The following ERC1 variants were observed in gnomAD, a reference collection of about 807,000 sequenced individuals.
The protein encoded by ERC1 is RAB6 interacting protein 2.
Under a neutral mutation model 132.0 loss-of-function variants are expected in ERC1, and 56 were observed. That is an observed-to-expected ratio of 0.42 (90% confidence interval 0.34 to 0.53). The LOEUF (loss-of-function observed/expected upper bound fraction) is 0.53. Among genes scored for constraint, ERC1 ranks in the 20% least tolerant of loss-of-function variants. The pLI, the probability that ERC1 is intolerant of heterozygous loss-of-function variation, is 0.03. For missense variants in ERC1, 1,202 were observed against 1,349.9 expected (o/e 0.89, Z 1.72); for synonymous variants, 478 against 476.1 (o/e 1.00, Z -0.05).
intron 13 of ERC1, among the ~76,000 whole-genome samples, chr12:1,261,206 T>TG (rs547838504): frequency 2.6e-4 from 40 of 152,378 alleles, no homozygotes; most frequent in African/African-American, 9.4e-4. Context: ...TGGAATTAAC[T>TG]GTTTGAGCCT....
chr12:1,013,429 C>T (rs1413444435), intron 1 of ERC1, among the ~76,000 whole-genome samples: 1 of 151,968 alleles, frequency 6.6e-6, no homozygotes, highest in Admixed American at 6.6e-5. Context: ...AACTGAGTTA[C>T]CCTTCCATTA....
chr12:1,280,635 T>C (rs1647476682), intron 14 of ERC1, among the ~76,000 whole-genome samples: 1 of 152,186 alleles, frequency 6.6e-6, no homozygotes, highest in South Asian at 2.1e-4. Flanking sequence ...AGATAAGTAT[T>C]TGCAAGGGTT....
At chr12:1,252,917 G>A (rs1179644941) in intron 13 of ERC1, among the ~76,000 whole-genome samples, 2 of 152,296 alleles carry the variant, frequency 1.3e-5, no homozygotes, top group Non-Finnish European at 2.9e-5. Flanking sequence ...TATGCTTAGG[G>A]GATGGGGAAG....
At chr12:1,001,372 G>C (rs1962235926) in intron 1 of ERC1, among the ~76,000 whole-genome samples, 1 of 152,190 alleles carries the variant, frequency 6.6e-6, no homozygotes, top group African/African-American at 2.4e-5. Flanking sequence ...AGCCCGTCTT[G>C]AATGTAACAC....
At chr12:1,311,039 A>T (rs1053903537) in intron 15 of ERC1, among the ~76,000 whole-genome samples, 2 of 152,270 alleles carry the variant, frequency 1.3e-5, no homozygotes, top group Admixed American at 6.5e-5. Context: ...GACAAGAAAC[A>T]TAGGCACAGA....
chr12:1,246,586 CTCTAAGG>C (rs1402358845), intron 13 of ERC1, among the ~76,000 whole-genome samples: 3 of 152,130 alleles, frequency 2.0e-5, no homozygotes. Flanking sequence ...AAAATGTTTT[CTCTAAGG>C]TGTTTATTTA....
chr12:1,231,994 C>T (rs1216899037), intron 12 of ERC1, among the ~76,000 whole-genome samples: 1 of 152,204 alleles, frequency 6.6e-6, no homozygotes, highest in African/African-American at 2.4e-5. Flanking sequence ...CCACCTCAGC[C>T]TCCTAAAGTG....
intron 11 of ERC1, among the ~76,000 whole-genome samples, chr12:1,184,306 A>G (rs1055053526): frequency 1.3e-5 from 2 of 150,324 alleles, no homozygotes; most frequent in East Asian, 3.9e-4. Flanking sequence ...CAGGGCACAT[A>G]TTGTCAGAAA....
At chr12:1,035,876 C>G (rs1179021529) in intron 2 of ERC1, among the ~76,000 whole-genome samples, 1 of 151,300 alleles carries the variant, frequency 6.6e-6, no homozygotes, top group African/African-American at 2.4e-5. Context: ...GAGCTGAGAT[C>G]GCACCACTGC....
chr12:1,214,625 A>G (rs1958198285), intron 12 of ERC1, among the ~76,000 whole-genome samples: 1 of 151,616 alleles, frequency 6.6e-6, no homozygotes, highest in Non-Finnish European at 1.5e-5. Context: ...TTAAATTTAT[A>G]TATTAACATA....
chr12:1,207,212 A>G lies in ERC1; in HGVS notation c.2351+17160A>G, dbSNP rs192092259. On this transcript the variant is annotated intron_variant, in intron 12 of 18. Coordinates refer to ENST00000360905, the MANE Select transcript of ERC1 (RefSeq NM_178040.4). Reference sequence around the variant, plus strand: ...CATTATTGTCTGATTTCATTAAGAAAAGGCACTATACTAGTTGCTAAAACC... The same window carrying G: ...CATTATTGTCTGATTTCATTAAGAAGAGGCACTATACTAGTTGCTAAAACC... 9.2e-5 allele frequency among the ~76,000 whole-genome samples: 14 copies of G among 152,280 alleles called. No individual in the cohort carries two copies. In the East Asian group the frequency reaches 2.7e-3, roughly 29 times the overall value.
intron 1 of ERC1, among the ~76,000 whole-genome samples, chr12:996,095 GTT>G (rs71441637): frequency 7.0e-6 from 1 of 142,768 alleles, no homozygotes. Flanking sequence ...TGTTTTTTTT[GTT>G]TTTTTTTTTG....
chr12:1,026,583 T>TATCCACTA (rs1966926899), intron 1 of ERC1, among the ~76,000 whole-genome samples: 1 of 152,238 alleles, frequency 6.6e-6, no homozygotes, highest in African/African-American at 2.4e-5. Flanking sequence ...TAGTGGACAT[T>TATCCACTA]ATGTAGTATC....
Position 1,296,010 on chromosome 12 carries a change from GAA to G in ERC1, c.2780+6013_2780+6014del, listed in dbSNP as rs77971645. Among the ~76,000 whole-genome samples the G allele has an allele frequency of 8.4e-3, 759 of 90,488 alleles. 7 individuals carry two copies. The highest frequency in any genetic ancestry group is 0.024 in the African/African-American group (700 of 29,364). 59.4% of individuals were successfully genotyped at this position (90,488 alleles called of 152,430 possible). A position where few individuals can be genotyped will look rare whatever the true frequency, so the allele number is the denominator to read the frequency against. On this transcript the variant is annotated intron_variant, in intron 15 of 18. Transcript: ENST00000360905. ...CTGAGGAGTCCTATTTGGTTTAACA[GAA>G]AAAAAAAAAAAAAACAACTAAATTC...
chr12:1,113,442 T>C (rs1461232013), intron 6 of ERC1, among the ~76,000 whole-genome samples: 1 of 152,248 alleles, frequency 6.6e-6, no homozygotes, highest in Admixed American at 6.5e-5. Flanking sequence ...TTCCACATAC[T>C]GCTTACAAGT....
At chr12:1,290,752 A>T (rs911688353) in intron 15 of ERC1, among the ~76,000 whole-genome samples, 1 of 124,094 alleles carries the variant, frequency 8.1e-6, no homozygotes, top group Non-Finnish European at 1.7e-5. Context: ...CTATCCTGGG[A>T]TCCCTCAGTT....
chr12:1,155,314 C>CAAAA (rs151006544), intron 8 of ERC1, among the ~76,000 whole-genome samples: 22 of 55,072 alleles, frequency 4.0e-4, no homozygotes, highest in South Asian at 8.4e-4. Context: ...GACTTCATCT[C>CAAAA]AAAAAAAAAA....
chr12:1,244,749 C>T (rs117441916), intron 13 of ERC1: 5,477 of 314,438 alleles, frequency 0.017, 74 homozygotes, highest in Non-Finnish European at 0.027. Context: ...CTGGTCCTAG[C>T]ATCATGTGAT....
intron 15 of ERC1, among the ~76,000 whole-genome samples, chr12:1,307,474 G>T (rs1177837197): frequency 6.6e-6 from 1 of 152,156 alleles, no homozygotes; most frequent in Non-Finnish European, 1.5e-5. Flanking sequence ...GATGTCATTG[G>T]TTTGAAGGAG....
Sources: allele counts gnomAD v4.1 joint callset (sites outside exome capture counted in the v4.1 genomes callset), GRCh38; gene constraint gnomAD v4.1.1; transcripts MANE v1.5; gene names NCBI Gene and HGNC (gene_info 2026-07-23, HGNC 2026-07-21).